SCTR: variants seen among roughly 807,000 people sequenced by gnomAD.
The protein encoded by SCTR is secretin receptor.
A neutral mutation model predicts 60.8 loss-of-function variants in SCTR; 56 were observed. The observed-to-expected ratio is 0.92, with a 90% CI of 0.74 to 1.15. SCTR has a LOEUF of 1.15. Among genes scored for constraint, SCTR ranks in the 50% most tolerant of loss-of-function variants. The pLI, the probability that SCTR is intolerant of heterozygous loss-of-function variation, is 0.00. For synonymous variants in SCTR, 202 were observed against 217.0 expected, an observed-to-expected ratio of 0.93 and a Z score of 0.61; for missense variants, 562 against 550.4, an observed-to-expected ratio of 1.02 and a Z score of -0.21.
rs1415052508 is a variant in SCTR, at chr2:119,496,853, G to A, written c.73-2305C>T. ...CCCACATCCCTGGAAAGGTGAAGTA[G>A]GGAGTCCGGACCCCCACCCTTGCCA... On this transcript the variant is annotated intron_variant, in intron 1 of 12. Coordinates refer to ENST00000019103, the MANE Select transcript of SCTR (RefSeq NM_002980.3). 2.0e-5 allele frequency among the ~76,000 whole-genome samples: 3 copies of A among 152,166 alleles called. No individual in the cohort carries two copies. In the East Asian group the frequency reaches 5.8e-4, roughly 29 times the overall value.
chr2:119,447,641 G>A (rs186639255), intron 10 of SCTR, among the ~76,000 whole-genome samples: 5 of 152,230 alleles, frequency 3.3e-5, no homozygotes, highest in African/African-American at 7.2e-5. Flanking sequence ...GCGCAATCGC[G>A]GCTCACTGCA....
intron 1 of SCTR, among the ~76,000 whole-genome samples, chr2:119,506,074 G>A (rs1284135626): frequency 6.6e-6 from 1 of 152,168 alleles, no homozygotes; most frequent in African/African-American, 2.4e-5. Context: ...ATGTAAAATG[G>A]TACAGTCACT....
intron 4 of SCTR, among the ~76,000 whole-genome samples, chr2:119,472,322 A>G (rs1033357254): frequency 6.6e-6 from 1 of 152,224 alleles, no homozygotes. Context: ...AGGATATATA[A>G]GAATCAGTCA....
At position 119,496,237 on chromosome 2, in the gene SCTR, G is replaced by A. The variant is rs909336816; in HGVS notation, c.73-1689C>T. ...CACACATGCTGTTCAGAGCTGCTTA[G>A]AAATTAACATGACTCTCAACAGGAC... On this transcript the variant is annotated intron_variant, in intron 1 of 12. Coordinates refer to ENST00000019103, the MANE Select transcript of SCTR (RefSeq NM_002980.3). Among the ~76,000 whole-genome samples the A allele has an allele frequency of 5.9e-5, 9 of 152,224 alleles. 1 individual carries two copies. The highest frequency in any genetic ancestry group is 5.9e-4 in the Admixed American group (9 of 15,282).
intron 2 of SCTR, among the ~76,000 whole-genome samples, chr2:119,493,861 G>A (rs900381388): frequency 1.3e-5 from 2 of 151,970 alleles, no homozygotes; most frequent in African/African-American, 2.4e-5. Context: ...AGCTGGTCTC[G>A]AACTCCTGAC....
chr2:119,521,669 G>A (rs148375270), intron 1 of SCTR, among the ~76,000 whole-genome samples: 147 of 152,236 alleles, frequency 9.7e-4, no homozygotes, highest in African/African-American at 3.3e-3. Flanking sequence ...GCGGTAATAA[G>A]CAATTTGGCC....
chr2:119,494,529 A>G lies in SCTR; in HGVS notation c.92T>C (p.Leu31Pro), dbSNP rs1313368792. 16 of 1,613,840 alleles carry G rather than the reference A, an allele frequency of 9.9e-6. No individual in the cohort carries two copies. The highest frequency in any genetic ancestry group is 1.4e-5 in the Non-Finnish European group (16 of 1,179,914). Residue 31 changes from leucine (L) to proline (P), a missense_variant, in exon 2 of 13, where the codon CTA becomes CCA. Transcript: ENST00000019103. ...CCACAGCACTTGTAGCACGTCACAT[A>G]GTCGGGGAAGGGCTCCAGTCTGCAA... ...AAHSTGALPR[L>P]CDVLQVLWEE...
intron 1 of SCTR, among the ~76,000 whole-genome samples, chr2:119,510,744 A>T (rs955518065): frequency 6.6e-6 from 1 of 152,104 alleles, no homozygotes; most frequent in African/African-American, 2.4e-5. Context: ...TTTAAAATTG[A>T]GTTTGTATAA....
intron 3 of SCTR, chr2:119,476,558 G>T (rs1677322698): frequency 6.6e-6 from 1 of 152,338 alleles, no homozygotes; most frequent in Middle Eastern, 3.4e-3. Flanking sequence ...GAGACACTGA[G>T]CCTTTACGTA....
At chr2:119,513,083 AGCCCACT>A (rs748498588) in intron 1 of SCTR, among the ~76,000 whole-genome samples, 1 of 152,198 alleles carries the variant, frequency 6.6e-6, no homozygotes, top group Non-Finnish European at 1.5e-5. Flanking sequence ...GCCAAGAGGG[AGCCCACT>A]GCTGGGGTCT....
At chr2:119,461,251 G>A (rs948347810) in intron 7 of SCTR, among the ~76,000 whole-genome samples, 4 of 152,224 alleles carry the variant, frequency 2.6e-5, no homozygotes, top group East Asian at 1.9e-4. Flanking sequence ...GAAAGAGGAC[G>A]TAGGAATGCA....
chr2:119,509,585 A>G (rs1380970709), intron 1 of SCTR, among the ~76,000 whole-genome samples: 1 of 152,226 alleles, frequency 6.6e-6, no homozygotes, highest in African/African-American at 2.4e-5. Context: ...TTTGGACTAT[A>G]GAAACAGCAA....
At chr2:119,472,046 G>A (rs1027870724) in intron 4 of SCTR, among the ~76,000 whole-genome samples, 1 of 152,222 alleles carries the variant, frequency 6.6e-6, no homozygotes, top group Non-Finnish European at 1.5e-5. Context: ...GCCTGGAAAT[G>A]AACAAGACTC....
chr2:119,470,010 CTT>C (rs1029312023), intron 4 of SCTR, among the ~76,000 whole-genome samples: 1 of 152,228 alleles, frequency 6.6e-6, no homozygotes, highest in African/African-American at 2.4e-5. Flanking sequence ...CCTGTGGTCT[CTT>C]TTGCAAATAC....
At chr2:119,520,273 G>A (rs1561452) in intron 1 of SCTR, among the ~76,000 whole-genome samples, 1 of 152,184 alleles carries the variant, frequency 6.6e-6, no homozygotes, top group Non-Finnish European at 1.5e-5. Flanking sequence ...GTCTAAGGCA[G>A]GAGGATCACT....
chr2:119,509,663 C>T (rs1476229805), intron 1 of SCTR, among the ~76,000 whole-genome samples: 1 of 152,078 alleles, frequency 6.6e-6, no homozygotes, highest in Non-Finnish European at 1.5e-5. Flanking sequence ...GTAAAATATA[C>T]ATAACATAAA....
chr2:119,513,356 A>G (rs112841774), intron 1 of SCTR, among the ~76,000 whole-genome samples: 2,113 of 152,298 alleles, frequency 0.014, 26 homozygotes, highest in South Asian at 0.029. Flanking sequence ...GAGCAGATAA[A>G]TATATGTGGT....
intron 2 of SCTR, among the ~76,000 whole-genome samples, chr2:119,484,289 G>A (rs962245325): frequency 8.5e-5 from 13 of 152,288 alleles, no homozygotes; most frequent in South Asian, 2.1e-4. Context: ...GGCTTCCCAC[G>A]CCTCTGTCGT....
intron 7 of SCTR, among the ~76,000 whole-genome samples, chr2:119,454,456 G>A (rs539392808): frequency 1.4e-4 from 22 of 152,104 alleles, no homozygotes; most frequent in African/African-American, 2.4e-4. Context: ...CTACACCAGC[G>A]CTCAAGGTGG....
Sources: allele counts gnomAD v4.1 joint callset (sites outside exome capture counted in the v4.1 genomes callset), GRCh38; gene constraint gnomAD v4.1.1; transcripts MANE v1.5; gene names NCBI Gene and HGNC (gene_info 2026-07-23, HGNC 2026-07-21).